Variants in PRKCH observed in about 807,000 individuals in gnomAD.
PRKCH encodes protein kinase C eta type.
PRKCH carries 28 observed loss-of-function variants against 82.5 expected under a neutral mutation model. That is an observed-to-expected ratio of 0.34 (90% confidence interval 0.25 to 0.47). The LOEUF (loss-of-function observed/expected upper bound fraction) is 0.47, where lower values mean the gene tolerates loss of function less well. Ranked by LOEUF, PRKCH falls within the 20% of genes least tolerant of loss-of-function variation. The probability of loss-of-function intolerance (pLI) is 1.00; values close to 1 mark genes in which losing one functional copy is unlikely to be tolerated. For synonymous variants in PRKCH, 322 were observed against 327.4 expected, an observed-to-expected ratio of 0.98 and a Z score of 0.18; for missense variants, 705 against 881.8, an observed-to-expected ratio of 0.80 and a Z score of 2.54.
intron 10 of PRKCH, among the ~76,000 whole-genome samples, chr14:61,501,867 T>C (rs2139952050): frequency 6.6e-6 from 1 of 152,230 alleles, no homozygotes; most frequent in South Asian, 2.1e-4. Flanking sequence ...CCTCAAGACA[T>C]GTCCTTATAT....
intron 1 of PRKCH, among the ~76,000 whole-genome samples, chr14:61,360,377 C>T (rs1167653451): frequency 2.0e-5 from 3 of 151,902 alleles, no homozygotes; most frequent in Admixed American, 1.3e-4. Flanking sequence ...TGGTGGTGGG[C>T]GCCTGTAATC....
intron 1 of PRKCH, among the ~76,000 whole-genome samples, chr14:61,368,696 T>G (rs2046329860): frequency 6.6e-6 from 1 of 152,106 alleles, no homozygotes; most frequent in Non-Finnish European, 1.5e-5. Flanking sequence ...GCTGTGAAAG[T>G]TGGAATGTTT....
intron 9 of PRKCH, among the ~76,000 whole-genome samples, chr14:61,479,395 T>C (rs1885866891): frequency 6.6e-6 from 1 of 152,122 alleles, no homozygotes; most frequent in South Asian, 2.1e-4. Context: ...CGTTTACCCA[T>C]GCGGCCAGGC....
At chr14:61,454,191 C>T (rs1255751035) in intron 7 of PRKCH, among the ~76,000 whole-genome samples, 3 of 151,904 alleles carry the variant, frequency 2.0e-5, no homozygotes, top group Non-Finnish European at 4.4e-5. Flanking sequence ...GCAACCTCCA[C>T]CTCCCAGGTT....
At chr14:61,488,970 G>A (rs1340755794) in intron 10 of PRKCH, among the ~76,000 whole-genome samples, 4 of 152,180 alleles carry the variant, frequency 2.6e-5, no homozygotes, top group Non-Finnish European at 5.9e-5. Flanking sequence ...CAGTTAATTA[G>A]GATAGATTCA....
chr14:61,286,026 C>T (rs779077381), intron 1 of PRKCH, among the ~76,000 whole-genome samples: 2 of 152,224 alleles, frequency 1.3e-5, no homozygotes, highest in Non-Finnish European at 2.9e-5. Flanking sequence ...TTAGCATGCT[C>T]ATTTCTCTTG....
chr14:61,296,799 C>A (rs2045410070), intron 1 of PRKCH, among the ~76,000 whole-genome samples: 1 of 152,010 alleles, frequency 6.6e-6, no homozygotes, highest in South Asian at 2.1e-4. Flanking sequence ...CATGAGGAAC[C>A]CTATGTATTA....
chr14:61,253,390 T>C (rs57868642), intron 1 of PRKCH, among the ~76,000 whole-genome samples: 2,862 of 152,186 alleles, frequency 0.019, 81 homozygotes, highest in African/African-American at 0.066. Flanking sequence ...TCAGAACTCC[T>C]GGGGAAAGGA....
chr14:61,242,830 A>C (rs1473501826), intron 1 of PRKCH, among the ~76,000 whole-genome samples: 1 of 152,154 alleles, frequency 6.6e-6, no homozygotes, highest in Non-Finnish European at 1.5e-5. Context: ...ATTTTTCTGC[A>C]CTTTCAGTAA....
At chr14:61,415,623 A>G (rs1882508795) in intron 2 of PRKCH, among the ~76,000 whole-genome samples, 1 of 152,102 alleles carries the variant, frequency 6.6e-6, no homozygotes, top group South Asian at 2.1e-4. Context: ...TTAATGCCAT[A>G]TTTGTCTGGT....
chr14:61,242,965 G>A (rs2044852155), intron 1 of PRKCH, among the ~76,000 whole-genome samples: 1 of 152,070 alleles, frequency 6.6e-6, no homozygotes, highest in African/African-American at 2.4e-5. Flanking sequence ...TGGTCTAGAA[G>A]GGAATAAGAC....
chr14:61,368,412 C>T (rs1327397627), intron 1 of PRKCH, among the ~76,000 whole-genome samples: 12 of 152,056 alleles, frequency 7.9e-5, no homozygotes. Flanking sequence ...ACTGCCATGT[C>T]CTCCCCTCTG....
chr14:61,232,549 G>A (rs1337665794), intron 1 of PRKCH, among the ~76,000 whole-genome samples: 1 of 152,178 alleles, frequency 6.6e-6, no homozygotes, highest in Non-Finnish European at 1.5e-5. Flanking sequence ...CAAATGAACA[G>A]CCAGATGAAG....
intron 1 of PRKCH, among the ~76,000 whole-genome samples, chr14:61,198,498 C>T (rs2044456669): frequency 6.6e-6 from 1 of 152,162 alleles, no homozygotes; most frequent in Non-Finnish European, 1.5e-5. Flanking sequence ...TTATTGACCT[C>T]TTCGTTCGTG....
intron 9 of PRKCH, among the ~76,000 whole-genome samples, chr14:61,483,707 G>T (rs1886084550): frequency 6.6e-6 from 1 of 152,206 alleles, no homozygotes; most frequent in Non-Finnish European, 1.5e-5. Flanking sequence ...CTGTGAATGT[G>T]TGGAAACACC....
chr14:61,516,146 C>T (rs551411860), intron 10 of PRKCH, among the ~76,000 whole-genome samples: 2 of 152,216 alleles, frequency 1.3e-5, no homozygotes, highest in Admixed American at 6.5e-5. Context: ...GGTATGACCT[C>T]CCCAAGCCAC....
intron 10 of PRKCH, among the ~76,000 whole-genome samples, chr14:61,515,395 T>C (rs1053003214): frequency 1.3e-5 from 2 of 152,312 alleles, no homozygotes. Context: ...GCAGAACCAG[T>C]CACCTGTGGT....
At chr14:61,295,780 G>A (rs938749146) in intron 1 of PRKCH, among the ~76,000 whole-genome samples, 3 of 152,168 alleles carry the variant, frequency 2.0e-5, no homozygotes. Flanking sequence ...GGCTGTTACT[G>A]TTGCTGCCCA....
Position 61,257,348 on chromosome 14 carries a change from C to T in PRKCH, c.-19+69680C>T, listed in dbSNP as rs75756694. On this transcript the variant is annotated intron_variant, in intron 1 of 3. Transcript: ENST00000555185. ...CAGAGGTCAGGGTTAACACCGATCT[C>T]GGTGGAACTTTGAAGCTGACATTTT... 6.0e-3 allele frequency among the ~76,000 whole-genome samples: 908 copies of T among 152,176 alleles called. 2 individuals are homozygous for T. The highest frequency in any genetic ancestry group is 0.021 in the African/African-American group (863 of 41,504).
Sources: gnomAD v4.1 joint callset for allele counts (sites outside exome capture counted in the v4.1 genomes callset) on GRCh38, gnomAD v4.1.1 for gene constraint, MANE v1.5 for transcripts, NCBI Gene and HGNC (gene_info 2026-07-23, HGNC 2026-07-21) for gene names.